Variants in CPED1 observed in about 807,000 individuals in gnomAD.
The protein encoded by CPED1 is cadherin like and PC-esterase domain containing 1, also known as cadherin-like and PC-esterase domain-containing protein 1.
In CPED1, 114 loss-of-function variants were observed where a neutral mutation model predicts 128.2. That is an observed-to-expected ratio of 0.89 (90% confidence interval 0.76 to 1.04). The LOEUF is 1.04. CPED1 is among the 50% of genes least tolerant of loss of function. CPED1 has a pLI of 0.00. For synonymous variants in CPED1, 462 were observed against 426.7 expected (o/e 1.08, Z -1.02); for missense variants, 1,211 against 1,207.1 (o/e 1.00, Z -0.05).
intron 16 of CPED1, among the ~76,000 whole-genome samples, chr7:121,148,293 A>C (rs1404264): frequency 0.64 from 97,610 of 151,672 alleles, 31,718 homozygotes; most frequent in East Asian, 0.89. Flanking sequence ...AGGGGAATAC[A>C]AATAGCAGCA....
intron 16 of CPED1, among the ~76,000 whole-genome samples, chr7:121,167,220 A>C (rs1796550288): frequency 6.6e-6 from 1 of 152,186 alleles, no homozygotes; most frequent in Non-Finnish European, 1.5e-5. Context: ...AGTCCGTTTG[A>C]AGTTGGTCTG....
intron 2 of CPED1, among the ~76,000 whole-genome samples, chr7:121,000,858 T>A (rs1017319871): frequency 1.3e-5 from 2 of 152,166 alleles, no homozygotes; most frequent in African/African-American, 4.8e-5. Context: ...TCTACATTTT[T>A]AAATCCTCAG....
chr7:121,176,240 G>T (rs1264401104), intron 16 of CPED1, among the ~76,000 whole-genome samples: 3 of 141,766 alleles, frequency 2.1e-5, no homozygotes, highest in Non-Finnish European at 4.5e-5. Flanking sequence ...AACTTGAATT[G>T]CATAGTTAGT....
intron 22 of CPED1, among the ~76,000 whole-genome samples, chr7:121,284,132 C>T (rs76076494): frequency 7.2e-5 from 11 of 152,164 alleles, no homozygotes; most frequent in South Asian, 2.1e-4. Flanking sequence ...GAAGGAAACA[C>T]GTCCTTCTTT....
chr7:121,293,608 T>G (rs1283717414), intron 22 of CPED1, among the ~76,000 whole-genome samples: 1 of 152,180 alleles, frequency 6.6e-6, no homozygotes, highest in East Asian at 1.9e-4. Context: ...TGCCCCATTT[T>G]GTGCTTGAAA....
intron 4 of CPED1, among the ~76,000 whole-genome samples, chr7:121,060,006 C>T (rs938642533): frequency 6.6e-6 from 1 of 152,178 alleles, no homozygotes; most frequent in Non-Finnish European, 1.5e-5. Flanking sequence ...CTGCGCGCGG[C>T]GCTTGCGGGC....
intron 16 of CPED1, among the ~76,000 whole-genome samples, chr7:121,191,831 C>T (rs576026136): frequency 3.3e-5 from 5 of 152,166 alleles, no homozygotes; most frequent in Admixed American, 6.6e-5. Flanking sequence ...TTTCCTTCAA[C>T]GTTATTTCCC....
At chr7:121,098,106 G>A (rs903960214) in intron 6 of CPED1, among the ~76,000 whole-genome samples, 11 of 152,100 alleles carry the variant, frequency 7.2e-5, no homozygotes, top group African/African-American at 2.4e-4. Flanking sequence ...CCTTGACAAT[G>A]CAAAACTATA....
chr7:121,209,774 G>A (rs1232927245), intron 16 of CPED1, among the ~76,000 whole-genome samples: 1 of 151,900 alleles, frequency 6.6e-6, no homozygotes, highest in Non-Finnish European at 1.5e-5. Flanking sequence ...AAGTTTAAAA[G>A]CTTCTGCACA....
At chr7:121,280,225 T>A (rs1188630009) in intron 22 of CPED1, among the ~76,000 whole-genome samples, 2 of 152,184 alleles carry the variant, frequency 1.3e-5, no homozygotes, top group African/African-American at 4.8e-5. Flanking sequence ...TACAGGTCAT[T>A]CCAATAGTGT....
chr7:121,267,170 T>C, intron 20 of CPED1, 45 bp from the exon 21 acceptor site: 1 of 1,027,900 alleles, frequency 9.7e-7, no homozygotes. Flanking sequence ...CATCTAGAAA[T>C]GTAATTAAAG....
In CPED1 at chr7:120,989,846, T is replaced by C. The variant is rs746526804; in HGVS notation, c.225T>C (p.Ser75=). 1.9e-6 allele frequency: 3 copies of C among 1,614,170 alleles called. No homozygotes were observed. The highest frequency in any genetic ancestry group is 2.2e-5 in the East Asian group (1 of 44,862). ...FSQDKQCFLL[S]GNAQETRKVK... Reference sequence around the variant, plus strand: ...AGGACAAACAGTGCTTCCTTCTCTCTGGTAATGCCCAGGAAACCAGAAAGG... The same window carrying C: ...AGGACAAACAGTGCTTCCTTCTCTCCGGTAATGCCCAGGAAACCAGAAAGG... Residue 75 remains serine, a synonymous_variant, in exon 2 of 23, where the codon TCT becomes TCC. Coordinates refer to ENST00000310396, the MANE Select transcript of CPED1 (RefSeq NM_024913.5).
At chr7:121,156,076 C>T (rs1416138714) in intron 16 of CPED1, among the ~76,000 whole-genome samples, 1 of 152,088 alleles carries the variant, frequency 6.6e-6, no homozygotes, top group Non-Finnish European at 1.5e-5. Flanking sequence ...AAATGGCCAA[C>T]AAGGATGTGA....
intron 16 of CPED1, among the ~76,000 whole-genome samples, chr7:121,142,890 T>C (rs2116372837): frequency 6.6e-6 from 1 of 152,086 alleles, no homozygotes; most frequent in South Asian, 2.1e-4. Flanking sequence ...CTTGCAAATA[T>C]ATCATGTCAC....
chr7:121,238,028 G>A (rs945578701), intron 17 of CPED1, among the ~76,000 whole-genome samples: 13 of 152,146 alleles, frequency 8.5e-5, no homozygotes, highest in South Asian at 6.2e-4. Context: ...GACAATTTAC[G>A]AGAAATCATT....
intron 16 of CPED1, among the ~76,000 whole-genome samples, chr7:121,195,317 T>C (rs1289441018): frequency 1.3e-5 from 2 of 152,166 alleles, no homozygotes; most frequent in African/African-American, 2.4e-5. Flanking sequence ...ATATTTTTGC[T>C]TTATTCTTTC....
chr7:121,062,455 A>G (rs1038527016), intron 4 of CPED1, among the ~76,000 whole-genome samples: 1 of 152,190 alleles, frequency 6.6e-6, no homozygotes. Flanking sequence ...ATTATGGGTT[A>G]TCTATACTTT....
chr7:121,244,202 G>A lies in CPED1; in HGVS notation c.2174G>A (p.Gly725Asp). 1 of 1,614,112 alleles carries A rather than the reference G, an allele frequency of 6.2e-7. No homozygotes were observed. Among genetic ancestry groups the A allele is most frequent in the Non-Finnish European group, 8.5e-7 (1 of 1,180,012 alleles). The stretch of plus-strand genomic sequence containing the variant: ...AAGAAAGTTTTGCCATCTATTCCAG[G>A]CCAGTGGATTGTGCCTTGCCTTAGT... ...LKRCPSGDMK[G>D]QWIVPCLSCS... The change falls in exon 18 of 23, where the codon GGC (glycine) becomes GAC (aspartate). Residue 725 changes from glycine to aspartate, a missense_variant and splice_region_variant. Gly to Asp is a moderately conservative substitution (Grantham distance 94, BLOSUM62 -1). Coordinates refer to ENST00000310396, the MANE Select transcript of CPED1 (RefSeq NM_024913.5).
intron 3 of CPED1, among the ~76,000 whole-genome samples, chr7:121,027,763 A>ATAT (rs1792630149): frequency 6.7e-6 from 1 of 148,536 alleles, no homozygotes; most frequent in East Asian, 1.9e-4. Flanking sequence ...AATAATAATA[A>ATAT]TAATAATAAT....
Sources: allele counts gnomAD v4.1 joint callset (sites outside exome capture counted in the v4.1 genomes callset), GRCh38; gene constraint gnomAD v4.1.1; transcripts MANE v1.5; gene names NCBI Gene and HGNC (gene_info 2026-07-23, HGNC 2026-07-21).